Variants in YPEL2 observed in about 807,000 individuals in gnomAD.
YPEL2 encodes the protein protein yippee-like 2.
In YPEL2, 2 loss-of-function variants were observed where a neutral mutation model predicts 19.1. The ratio of observed to expected loss-of-function variants is 0.10; its 90% CI spans 0.04 to 0.33. YPEL2 has a LOEUF of 0.33. YPEL2 is among the 10% of genes least tolerant of loss of function. The probability of loss-of-function intolerance (pLI) is 1.00; values close to 1 mark genes in which losing one functional copy is unlikely to be tolerated. For missense variants in YPEL2, 66 were observed against 140.7 expected, an observed-to-expected ratio of 0.47 and a Z score of 2.68; for synonymous variants, 52 against 50.0, an observed-to-expected ratio of 1.04 and a Z score of -0.17.
intron 2 of YPEL2, 119 bp from the exon 3 acceptor site, chr17:59,388,208 A>AG: frequency 1.0e-6 from 1 of 955,298 alleles, no homozygotes; most frequent in Non-Finnish European, 1.7e-6. Flanking sequence ...TAACTGGCTC[A>AG]GTACTCCCTT....
At chr17:59,365,574 C>T (rs1473182377) in intron 2 of YPEL2, among the ~76,000 whole-genome samples, 4 of 152,242 alleles carry the variant, frequency 2.6e-5, no homozygotes, top group Non-Finnish European at 2.9e-5. Context: ...TGTGACACTT[C>T]GGGTGGGGGG....
chr17:59,395,902 C>G (rs1352809506), intron 4 of YPEL2, among the ~76,000 whole-genome samples: 2 of 152,110 alleles, frequency 1.3e-5, no homozygotes, highest in African/African-American at 4.8e-5. Context: ...CATGGTGAAA[C>G]CCCGTCTCTA....
intron 2 of YPEL2, among the ~76,000 whole-genome samples, chr17:59,384,981 A>C (rs1034304285): frequency 3.3e-5 from 5 of 152,208 alleles, no homozygotes; most frequent in Non-Finnish European, 5.9e-5. Flanking sequence ...GTCTTAGCAA[A>C]TGTTTCTTAG....
chr17:59,396,151 A>G lies in YPEL2; in HGVS notation c.271-950A>G, dbSNP rs117624589. 8.7e-3 allele frequency among the ~76,000 whole-genome samples: 1,325 copies of G among 152,308 alleles called. 11 individuals carry two copies. Among genetic ancestry groups the G allele is most frequent in the Middle Eastern group, 0.051 (15 of 294 alleles). ...AGAAACTAGCAGGAATGACACAGAA[A>G]CTTTATGGATCTAACCCAGGGCAAA... is the stretch of plus-strand genomic sequence containing the variant. On this transcript the variant is annotated intron_variant, in intron 4 of 4. Transcript: ENST00000312655.
intron 2 of YPEL2, among the ~76,000 whole-genome samples, chr17:59,364,062 T>G (rs1391605947): frequency 6.6e-6 from 1 of 152,194 alleles, no homozygotes; most frequent in Non-Finnish European, 1.5e-5. Context: ...TTAATGACTG[T>G]CTTGTGGTAT....
chr17:59,370,315 G>A (rs982737763), intron 2 of YPEL2, among the ~76,000 whole-genome samples: 8 of 152,082 alleles, frequency 5.3e-5, no homozygotes, highest in South Asian at 2.1e-4. Flanking sequence ...CGCCCGCCTC[G>A]GCCTCCCAAA....
chr17:59,395,108 C>A (rs994196442), intron 4 of YPEL2, among the ~76,000 whole-genome samples: 2 of 152,190 alleles, frequency 1.3e-5, no homozygotes, highest in African/African-American at 2.4e-5. Context: ...GGACAGGAAA[C>A]TCATTTTCTT....
rs201975784 is a variant in YPEL2, at chr17:59,366,504, TCCCTGTCCTC to T, written c.117+12984_117+12993del. ...GAAGTGCCTTTTGTTTCCCTGATGG[TCCCTGTCCTC>T]CCCTGCAGAGTCGGCCTGAGCTAGC... On this transcript the variant is annotated intron_variant, in intron 2 of 4. Coordinates refer to ENST00000312655, the MANE Select transcript of YPEL2 (RefSeq NM_001005404.4). Among the ~76,000 whole-genome samples, 7 of 152,264 alleles carry T rather than the reference TCCCTGTCCTC, an allele frequency of 4.6e-5. No homozygotes were observed. The East Asian group carries it at 1.4e-3, about 29-fold the overall frequency.
intron 4 of YPEL2, among the ~76,000 whole-genome samples, chr17:59,392,617 TCTC>T (rs1421404362): frequency 6.7e-6 from 1 of 150,358 alleles, no homozygotes. Context: ...TTCAAGCAAT[TCTC>T]CTGCCTCAGC....
chr17:59,381,797 A>ATGGAAAAGAGCCGCCTTGTTGCCTGTC (rs2047950681), intron 2 of YPEL2, among the ~76,000 whole-genome samples: 1 of 152,260 alleles, frequency 6.6e-6, no homozygotes, highest in Non-Finnish European at 1.5e-5. Context: ...GATACACAAC[A>ATGGAAAAGAGCCGCCTTGTTGCCTGTC]TGGAAAAGAG....
chr17:59,367,411 T>C (rs1273400998), intron 2 of YPEL2, among the ~76,000 whole-genome samples: 1 of 152,222 alleles, frequency 6.6e-6, no homozygotes, highest in Non-Finnish European at 1.5e-5. Context: ...CTGCAAAACT[T>C]TTTCTATAAA....
chr17:59,400,515 T>C lies in YPEL2; in HGVS notation c.*3325T>C, dbSNP rs746881089. 1 of 152,476 alleles carries C rather than the reference T, an allele frequency of 6.6e-6. No individual in the cohort carries two copies. Among genetic ancestry groups the C allele is most frequent in the Non-Finnish European group, 1.5e-5 (1 of 67,988 alleles). 9.4% of individuals were successfully genotyped at this position (152,476 alleles called of 1,614,324 possible). ...TTTTTTTTTTTAAGGTCTCTATCAC[T>C]TTAATCTGGATCAAGGCTTTGAAGC... On this transcript the variant is annotated 3_prime_UTR_variant, in exon 5 of 5. Coordinates refer to ENST00000312655, the MANE Select transcript of YPEL2 (RefSeq NM_001005404.4).
At chr17:59,360,776 A>G (rs997555367) in intron 2 of YPEL2, among the ~76,000 whole-genome samples, 12 of 152,158 alleles carry the variant, frequency 7.9e-5, no homozygotes, top group African/African-American at 4.8e-5. Context: ...CCTTTCCTCC[A>G]TAGGGGCAGA....
chr17:59,344,642 C>T (rs2047747236), intron 1 of YPEL2, among the ~76,000 whole-genome samples: 1 of 152,148 alleles, frequency 6.6e-6, no homozygotes, highest in South Asian at 2.1e-4. Context: ...CCTGTAATCC[C>T]AGCTACCCGG....
At chr17:59,363,621 T>C (rs1408124763) in intron 2 of YPEL2, among the ~76,000 whole-genome samples, 1 of 152,234 alleles carries the variant, frequency 6.6e-6, no homozygotes, top group East Asian at 1.9e-4. Context: ...CTGAACACTT[T>C]CCTCTTTATT....
intron 2 of YPEL2, among the ~76,000 whole-genome samples, chr17:59,367,570 G>A (rs1184919066): frequency 6.6e-6 from 1 of 152,186 alleles, no homozygotes; most frequent in Non-Finnish European, 1.5e-5. Context: ...CCTTGGACTG[G>A]TTTACTTAAC....
intron 1 of YPEL2, among the ~76,000 whole-genome samples, chr17:59,352,872 G>T (rs2147940013): frequency 6.6e-6 from 1 of 152,240 alleles, no homozygotes; most frequent in South Asian, 2.1e-4. Context: ...CAGGAGAGGG[G>T]GTCCCTGAGG....
intron 4 of YPEL2, among the ~76,000 whole-genome samples, chr17:59,391,827 G>A (rs1332744358): frequency 1.3e-5 from 2 of 152,128 alleles, no homozygotes; most frequent in East Asian, 3.8e-4. Flanking sequence ...TTGAACCCAG[G>A]AGGCGGAGGT....
At chr17:59,335,225 T>TA in intron 1 of YPEL2, among the ~76,000 whole-genome samples, 1 of 152,380 alleles carries the variant, frequency 6.6e-6, no homozygotes. Flanking sequence ...TGAAGTATTG[T>TA]ACTGCCTGAG....
Sources: gnomAD v4.1 joint callset for allele counts (sites outside exome capture counted in the v4.1 genomes callset) on GRCh38, gnomAD v4.1.1 for gene constraint, MANE v1.5 for transcripts, NCBI Gene and HGNC (gene_info 2026-07-23, HGNC 2026-07-21) for gene names.